The following RAB10 variants were observed in gnomAD, a reference collection of about 807,000 sequenced individuals.
RAB10 encodes the protein RAB10, member RAS oncogene family.
Under a neutral mutation model 25.7 loss-of-function variants are expected in RAB10, and 5 were observed. The ratio of observed to expected loss-of-function variants is 0.19; its 90% CI spans 0.10 to 0.41. The LOEUF is 0.41. RAB10 is among the 10% of genes least tolerant of loss of function. RAB10 has a pLI of 1.00. For synonymous variants in RAB10, 89 were observed against 86.4 expected, an observed-to-expected ratio of 1.03 and a Z score of -0.16; for missense variants, 103 against 245.8, an observed-to-expected ratio of 0.42 and a Z score of 3.89.
chr2:26,035,210 G>A (rs537506457), intron 1 of RAB10, among the ~76,000 whole-genome samples: 17 of 152,126 alleles, frequency 1.1e-4, no homozygotes, highest in African/African-American at 3.4e-4. Context: ...GAATAATTAA[G>A]GTAAATTAGA....
rs1429513282 is a variant in RAB10, at chr2:26,034,563, G to C, written c.-46G>C. 8.1e-6 allele frequency: 13 copies of C among 1,611,236 alleles called. No homozygotes were observed. The highest frequency in any genetic ancestry group is 5.0e-5 in the Admixed American group (3 of 59,912). ...GGAGTTGGCCGTAGTGAGAGGGACC[G>C]ATCCCTTGGGGCCGCCGGCGGCGAG... On this transcript the variant is annotated 5_prime_UTR_variant, in exon 1 of 6. Transcript: ENST00000264710.
At chr2:26,100,412 C>T (rs1263446444) in intron 2 of RAB10, among the ~76,000 whole-genome samples, 1 of 152,124 alleles carries the variant, frequency 6.6e-6, no homozygotes, top group Non-Finnish European at 1.5e-5. Context: ...TAGAATTGTC[C>T]TTACTTAAAG....
chr2:26,067,746 C>T (rs534364190), intron 1 of RAB10, among the ~76,000 whole-genome samples: 43 of 152,354 alleles, frequency 2.8e-4, no homozygotes, highest in Non-Finnish European at 5.7e-4. Context: ...ATGCACATCT[C>T]ACATGACTAC....
chr2:26,058,159 C>CCTGCTT (rs1019332950), intron 1 of RAB10, among the ~76,000 whole-genome samples: 1 of 152,098 alleles, frequency 6.6e-6, no homozygotes, highest in African/African-American at 2.4e-5. Flanking sequence ...CCAGAATTTC[C>CCTGCTT]CTGCTTCTCA....
chr2:26,056,239 G>T (rs766042673), intron 1 of RAB10, among the ~76,000 whole-genome samples: 1 of 151,084 alleles, frequency 6.6e-6, no homozygotes, highest in Non-Finnish European at 1.5e-5. Context: ...TTGCTCTGTC[G>T]CCAGGCTAGA....
At chr2:26,054,038 CTTTT>C (rs72487302) in intron 1 of RAB10, among the ~76,000 whole-genome samples, 1 of 87,524 alleles carries the variant, frequency 1.1e-5, no homozygotes, top group Admixed American at 1.2e-4. Context: ...CCCTTCTGTT[CTTTT>C]TTTTTTTTTT....
At chr2:26,080,896 C>G (rs1666855432) in intron 1 of RAB10, among the ~76,000 whole-genome samples, 1 of 152,104 alleles carries the variant, frequency 6.6e-6, no homozygotes, top group Non-Finnish European at 1.5e-5. Context: ...GGGTTAATAG[C>G]ACTAGTAATA....
At chr2:26,035,220 A>G (rs956592763) in intron 1 of RAB10, among the ~76,000 whole-genome samples, 2 of 152,152 alleles carry the variant, frequency 1.3e-5, no homozygotes, top group Admixed American at 6.6e-5. Flanking sequence ...GGTAAATTAG[A>G]AGGGAAGAGT....
intron 1 of RAB10, among the ~76,000 whole-genome samples, chr2:26,087,700 C>T (rs1242081167): frequency 1.3e-5 from 2 of 152,148 alleles, no homozygotes; most frequent in African/African-American, 4.8e-5. Flanking sequence ...CCACGCCCAG[C>T]CTTTCTGCTG....
intron 3 of RAB10, among the ~76,000 whole-genome samples, chr2:26,113,585 A>G (rs1667624356): frequency 6.6e-6 from 1 of 151,598 alleles, no homozygotes; most frequent in Non-Finnish European, 1.5e-5. Context: ...AAAAAAAGTC[A>G]ACAAACTAGG....
At chr2:26,051,916 GCATGGTGGCACGCAC>G (rs1666143812) in intron 1 of RAB10, among the ~76,000 whole-genome samples, 1 of 149,564 alleles carries the variant, frequency 6.7e-6, no homozygotes, top group African/African-American at 2.5e-5. Context: ...AATTAGCTGG[GCATGGTGGCACGCAC>G]CTGTAATCCC....
chr2:26,034,142 G>T lies in RAB10; in HGVS notation c.-467G>T, dbSNP rs1488434951. 4.9e-6 allele frequency: 2 copies of T among 406,986 alleles called. No individual in the cohort carries two copies. Among genetic ancestry groups the T allele is most frequent in the Admixed American group, 4.2e-5 (1 of 24,052 alleles). The allele number at this position is 406,986 out of a possible 1,614,324, so 25.2% of individuals were successfully genotyped here. On this transcript the variant is annotated 5_prime_UTR_variant, in exon 1 of 6. Transcript: ENST00000264710. Reference sequence around the variant, plus strand: ...CACGGGGAAAAGGTGGCTCTGGCCGGGGTGGCTCGGTTTCCTGGGGCTATG... The same window carrying T: ...CACGGGGAAAAGGTGGCTCTGGCCGTGGTGGCTCGGTTTCCTGGGGCTATG...
At chr2:26,072,137 G>A (rs913547472) in intron 1 of RAB10, among the ~76,000 whole-genome samples, 19 of 152,152 alleles carry the variant, frequency 1.2e-4, no homozygotes, top group Non-Finnish European at 2.6e-4. Context: ...AATAGAACAT[G>A]GCTGGGTGCG....
intron 1 of RAB10, among the ~76,000 whole-genome samples, chr2:26,052,195 T>C (rs1398785125): frequency 1.3e-5 from 2 of 151,652 alleles, no homozygotes; most frequent in Non-Finnish European, 2.9e-5. Flanking sequence ...CTAGGCAACA[T>C]AGGGAGACCC....
At chr2:26,073,034 A>G (rs188308314) in intron 1 of RAB10, among the ~76,000 whole-genome samples, 32 of 152,308 alleles carry the variant, frequency 2.1e-4, no homozygotes, top group Admixed American at 7.2e-4. Flanking sequence ...CATTGCTTCT[A>G]TGTAATAGAT....
At chr2:26,051,479 G>A (rs1666131555) in intron 1 of RAB10, among the ~76,000 whole-genome samples, 1 of 149,896 alleles carries the variant, frequency 6.7e-6, no homozygotes, top group East Asian at 2.0e-4. Context: ...CAGGCGCAGT[G>A]GCTCACGCCT....
At chr2:26,130,470 GTCTC>G (rs1667989902) in intron 5 of RAB10, among the ~76,000 whole-genome samples, 1 of 151,376 alleles carries the variant, frequency 6.6e-6, no homozygotes, top group South Asian at 2.1e-4. Flanking sequence ...GCCTGGCTTG[GTCTC>G]TCTCTTTTTT....
rs1348881039 is a variant in RAB10, at chr2:26,089,436, AAAGAG to A, written c.128-9224_128-9220del. On this transcript the variant is annotated intron_variant, in intron 1 of 5. Transcript: ENST00000264710. ...AGACTCTGTCTCAAAAAAAAAAAAA[AAAGAG>A]AGAGTGATGGATTGAATTGAAGTGG... Among the ~76,000 whole-genome samples, 12 of 152,132 alleles carry A rather than the reference AAAGAG, an allele frequency of 7.9e-5. No individual in the cohort carries two copies. The South Asian group carries it at 8.3e-4, about 11-fold the overall frequency.
chr2:26,136,721 C>T lies in RAB10; in HGVS notation c.*1700C>T, dbSNP rs183660344. 7.9e-5 allele frequency: 12 copies of T among 152,688 alleles called. No homozygotes were observed. The highest frequency in any genetic ancestry group is 2.2e-4 in the African/African-American group (9 of 41,556). 9.5% of individuals were successfully genotyped at this position (152,688 alleles called of 1,614,324 possible). Reference sequence around the variant, plus strand: ...GTGTCGTGAATAGCATTTTAATGACCTCTTGGCTCACATAAGCAAACAACA... The same window carrying T: ...GTGTCGTGAATAGCATTTTAATGACTTCTTGGCTCACATAAGCAAACAACA... On this transcript the variant is annotated 3_prime_UTR_variant, in exon 6 of 6. Transcript: ENST00000264710.
Sources: allele counts gnomAD v4.1 joint callset (sites outside exome capture counted in the v4.1 genomes callset), GRCh38; gene constraint gnomAD v4.1.1; transcripts MANE v1.5; gene names NCBI Gene and HGNC (gene_info 2026-07-23, HGNC 2026-07-21).